Variants in CNOT1 observed in about 807,000 individuals in gnomAD.
CNOT1 encodes the protein CCR4-associated factor 1.
A neutral mutation model predicts 273.8 loss-of-function variants in CNOT1; 15 were observed. The ratio of observed to expected loss-of-function variants is 0.05; its 90% CI spans 0.04 to 0.08. The LOEUF (loss-of-function observed/expected upper bound fraction) is 0.08. CNOT1 is among the 10% of genes least tolerant of loss of function. The pLI is 1.00. For missense variants in CNOT1, 1,644 were observed against 2,912.2 expected, an observed-to-expected ratio of 0.56 and a Z score of 10.02; for synonymous variants, 1,022 against 1,005.5, an observed-to-expected ratio of 1.02 and a Z score of -0.31.
intron 8 of CNOT1, 29 bp from the exon 9 acceptor site, chr16:58,583,211 T>C (rs1255398799): frequency 1.2e-6 from 2 of 1,609,896 alleles, no homozygotes; most frequent in Non-Finnish European, 8.5e-7. Flanking sequence ...TTCAGAAAAA[T>C]GCTACCAGCC....
intron 31 of CNOT1, 32 bp downstream of exon 31, chr16:58,543,575 T>G (rs1336603285): frequency 3.1e-6 from 5 of 1,614,000 alleles, no homozygotes; most frequent in Non-Finnish European, 4.2e-6. Flanking sequence ...GTAATACGTT[T>G]TGTACCTATA....
chr16:58,543,826 G>C lies in CNOT1; in HGVS notation c.4215C>G (p.Val1405=). The C allele has an allele frequency of 1.9e-6, 3 of 1,614,066 alleles. No individual in the cohort carries two copies. Among genetic ancestry groups the C allele is most frequent in the African/African-American group, 1.3e-5 (1 of 75,030 alleles). The change falls in exon 31 of 49, where the codon GTC becomes GTG. Residue 1405 remains valine, a synonymous_variant. Coordinates refer to ENST00000317147, the MANE Select transcript of CNOT1 (RefSeq NM_016284.5). ...QAIERAVQEL[V]HPVVDRSIKI... is the part of the protein sequence containing the mutation. Reference sequence around the variant, plus strand: ...TAATTGATCGATCCACCACAGGATGGACCAGCTCCTGGACAGCCCGTTCAA... The same window carrying C: ...TAATTGATCGATCCACCACAGGATGCACCAGCTCCTGGACAGCCCGTTCAA...
intron 16 of CNOT1, among the ~76,000 whole-genome samples, chr16:58,564,327 GCAAA>G (rs974595811): frequency 2.0e-5 from 3 of 150,166 alleles, no homozygotes; most frequent in East Asian, 1.9e-4. Flanking sequence ...AAAAACAAAA[GCAAA>G]CAAACAAACC....
At chr16:58,580,485 C>G in intron 12 of CNOT1, 148 bp downstream of exon 12, 1 of 1,263,144 alleles carries the variant, frequency 7.9e-7, no homozygotes, top group South Asian at 2.0e-5. Flanking sequence ...TATCTACCAA[C>G]CCCCTCTATA....
rs77904764 is a variant in CNOT1 at position 58,600,375 on chromosome 16, C to T, written c.-174-864G>A. On this transcript the variant is annotated intron_variant, in intron 1 of 48. Transcript: ENST00000317147. The stretch of plus-strand genomic sequence containing the variant: ...TCCAAAGAGTTTCATTTTAGTAAGA[C>T]AACTTGTAACACTTAAGATTTCTAT... Among the ~76,000 whole-genome samples, 605 of 152,180 alleles carry T rather than the reference C, an allele frequency of 4.0e-3. 7 individuals carry two copies. The highest frequency in any genetic ancestry group is 0.012 in the East Asian group (61 of 5,188).
rs1226669693 is a variant in CNOT1, at chr16:58,574,231, G to A, written c.1979+378C>T. Reference sequence around the variant, plus strand: ...TTTGAGGTTGCAGTAAGCTATGATTGCACCACTGTACTCCAGCCTAGTCGA... The same window carrying A: ...TTTGAGGTTGCAGTAAGCTATGATTACACCACTGTACTCCAGCCTAGTCGA... On this transcript the variant is annotated intron_variant, in intron 16 of 48. Coordinates refer to ENST00000317147, the MANE Select transcript of CNOT1 (RefSeq NM_016284.5). Among the ~76,000 whole-genome samples the A allele has an allele frequency of 2.0e-5, 3 of 152,038 alleles. No homozygotes were observed. The East Asian group carries it at 5.8e-4, about 29-fold the overall frequency.
intron 3 of CNOT1, among the ~76,000 whole-genome samples, chr16:58,588,336 G>C (rs1464169114): frequency 6.6e-6 from 1 of 151,666 alleles, no homozygotes; most frequent in Non-Finnish European, 1.5e-5. Context: ...AAGATGTAAA[G>C]AAAGTTATAA....
At chr16:58,593,483 T>C (rs7187299) in intron 2 of CNOT1, among the ~76,000 whole-genome samples, 113,956 of 151,462 alleles carry the variant, frequency 0.75, 43,267 homozygotes, top group Middle Eastern at 0.86. Context: ...CGCTTGAATC[T>C]GGGAGGTGGA....
intron 1 of CNOT1, among the ~76,000 whole-genome samples, chr16:58,602,836 G>A (rs1025745470): frequency 1.3e-5 from 2 of 151,952 alleles, no homozygotes; most frequent in African/African-American, 4.8e-5. Context: ...CTCTCTCATA[G>A]TGTCCAAATT....
chr16:58,545,614 GGAT>G, intron 29 of CNOT1, 123 bp from the exon 30 acceptor site: 1 of 1,171,102 alleles, frequency 8.5e-7, no homozygotes, highest in Non-Finnish European at 1.2e-6. Flanking sequence ...GAGGAGGGAA[GGAT>G]GTAGCAGGTC....
intron 30 of CNOT1, 38 bp from the exon 31 acceptor site, chr16:58,543,941 A>AAATAAGACAATCC: frequency 6.5e-7 from 1 of 1,542,506 alleles, no homozygotes; most frequent in African/African-American, 1.4e-5. Flanking sequence ...CACCTTGTTT[A>AAATAAGACAATCC]AATAAGACAA....
At chr16:58,539,269 G>A (rs1438669610) in intron 35 of CNOT1, among the ~76,000 whole-genome samples, 1 of 151,972 alleles carries the variant, frequency 6.6e-6, no homozygotes, top group Non-Finnish European at 1.5e-5. Context: ...TCAGGAGGGA[G>A]GGCCACTTGA....
intron 1 of CNOT1, among the ~76,000 whole-genome samples, chr16:58,602,375 A>G (rs1309030431): frequency 6.6e-6 from 1 of 151,920 alleles, no homozygotes; most frequent in Non-Finnish European, 1.5e-5. Context: ...CTGGCCTACT[A>G]ACAGTCTCAT....
intron 2 of CNOT1, among the ~76,000 whole-genome samples, chr16:58,593,614 G>C (rs926192723): frequency 2.4e-4 from 36 of 150,938 alleles, no homozygotes; most frequent in Admixed American, 6.6e-4. Flanking sequence ...CATGCCTGTA[G>C]TCCTAACTAC....
At position 58,587,816 on chromosome 16, in the gene CNOT1, C is replaced by G; in HGVS notation, c.273G>C (p.Leu91=). 3.7e-6 allele frequency: 6 copies of G among 1,613,888 alleles called. No individual in the cohort carries two copies. The highest frequency in any genetic ancestry group is 3.4e-6 in the Non-Finnish European group (4 of 1,180,010). ...GCAATGGATTATCAATGGCATAGGA[C>G]AGCGTCGAGATAAAATTTGGCTTTG... The part of the protein sequence containing the change: ...LITKPNFIST[L]SYAIDNPLHY... Residue 91 remains leucine (L), a synonymous_variant, in exon 4 of 49, where the codon CTG becomes CTC. Coordinates refer to ENST00000317147, the MANE Select transcript of CNOT1 (RefSeq NM_016284.5).
intron 29 of CNOT1, among the ~76,000 whole-genome samples, chr16:58,545,816 T>C (rs1027926042): frequency 6.6e-6 from 1 of 152,222 alleles, no homozygotes. Context: ...AGCCTGTTCC[T>C]AGGTTTATCT....
At chr16:58,569,995 T>C (rs191807675) in intron 16 of CNOT1, among the ~76,000 whole-genome samples, 287 of 152,240 alleles carry the variant, frequency 1.9e-3, no homozygotes, top group African/African-American at 6.6e-3. Flanking sequence ...AGCAGCAAGA[T>C]AGAAGCAACT....
intron 16 of CNOT1, among the ~76,000 whole-genome samples, chr16:58,564,792 G>A (rs754261475): frequency 6.6e-6 from 1 of 152,020 alleles, no homozygotes; most frequent in Non-Finnish European, 1.5e-5. Context: ...TTAATTAGCT[G>A]GGCAGTGGTG....
chr16:58,529,149 G>C (rs907174303), intron 43 of CNOT1, among the ~76,000 whole-genome samples: 3 of 151,820 alleles, frequency 2.0e-5, no homozygotes, highest in Admixed American at 2.0e-4. Context: ...ATAAAAAATA[G>C]TTTCAGAACA....
Sources: gnomAD v4.1 joint callset for allele counts (sites outside exome capture counted in the v4.1 genomes callset) on GRCh38, gnomAD v4.1.1 for gene constraint, MANE v1.5 for transcripts, NCBI Gene and HGNC (gene_info 2026-07-23, HGNC 2026-07-21) for gene names.